Variants in EPHA3 observed in about 807,000 individuals in gnomAD.
EPHA3 encodes the protein EPH receptor A3.
EPHA3 carries 42 observed loss-of-function variants against 107.1 expected under a neutral mutation model. The ratio of observed to expected loss-of-function variants is 0.39; its 90% CI spans 0.31 to 0.51. The LOEUF is 0.51. EPHA3 is among the 20% of genes least tolerant of loss of function. The probability of loss-of-function intolerance (pLI) is 0.78; values close to 1 mark genes in which losing one functional copy is unlikely to be tolerated. For synonymous variants in EPHA3, 461 were observed against 424.8 expected (o/e 1.09, Z -1.05); for missense variants, 1,183 against 1,211.2 (o/e 0.98, Z 0.35).
chr3:89,221,593 C>T (rs1704377368), intron 3 of EPHA3, among the ~76,000 whole-genome samples: 1 of 152,126 alleles, frequency 6.6e-6, no homozygotes, highest in African/African-American at 2.4e-5. Context: ...AAAAGCCATA[C>T]ATACATTTAA....
At chr3:89,134,781 G>T (rs1487920617) in intron 2 of EPHA3, among the ~76,000 whole-genome samples, 1 of 152,080 alleles carries the variant, frequency 6.6e-6, no homozygotes, top group East Asian at 1.9e-4. Context: ...TGAGCCAAAT[G>T]GGTTGTTGGT....
chr3:89,283,293 G>C (rs1388617369), intron 3 of EPHA3, among the ~76,000 whole-genome samples: 1 of 152,074 alleles, frequency 6.6e-6, no homozygotes, highest in African/African-American at 2.4e-5. Flanking sequence ...TAAGTAGGTA[G>C]CTTCCTGAAA....
chr3:89,348,258 G>A (rs1385046387), intron 5 of EPHA3, among the ~76,000 whole-genome samples: 1 of 135,684 alleles, frequency 7.4e-6, no homozygotes, highest in Non-Finnish European at 1.6e-5. Flanking sequence ...ACTCTTTTTG[G>A]TTGGTAAACT....
At chr3:89,420,614 G>A (rs1210871896) in intron 11 of EPHA3, among the ~76,000 whole-genome samples, 2 of 151,342 alleles carry the variant, frequency 1.3e-5, no homozygotes, top group Admixed American at 1.3e-4. Flanking sequence ...ATAAAAATGG[G>A]CATAATTAGT....
At chr3:89,201,433 A>G (rs936149121) in intron 2 of EPHA3, among the ~76,000 whole-genome samples, 1 of 152,214 alleles carries the variant, frequency 6.6e-6, no homozygotes, top group African/African-American at 2.4e-5. Flanking sequence ...AAAATCTGTC[A>G]TGTGTACAAT....
intron 5 of EPHA3, among the ~76,000 whole-genome samples, chr3:89,369,657 G>A (rs1367651619): frequency 6.7e-6 from 1 of 148,404 alleles, no homozygotes; most frequent in South Asian, 2.1e-4. Flanking sequence ...TTGACAAATG[G>A]GATCTAATTA....
intron 13 of EPHA3, among the ~76,000 whole-genome samples, chr3:89,446,608 A>G (rs1378025969): frequency 2.6e-5 from 4 of 152,048 alleles, no homozygotes; most frequent in East Asian, 1.9e-4. Context: ...TTTAATTTCA[A>G]CTAGAGACCA....
At chr3:89,355,799 T>A (rs1410210263) in intron 5 of EPHA3, among the ~76,000 whole-genome samples, 17 of 149,782 alleles carry the variant, frequency 1.1e-4, no homozygotes, top group Non-Finnish European at 1.8e-4. Flanking sequence ...CTTTTTTTTT[T>A]AATTAAAAAT....
chr3:89,479,369 A>C, intron 16 of EPHA3, 28 bp from the exon 17 acceptor site: 1 of 1,586,360 alleles, frequency 6.3e-7, no homozygotes, highest in Non-Finnish European at 8.7e-7. Context: ...GAGGAAACCG[A>C]TTCTTATATT....
intron 7 of EPHA3, among the ~76,000 whole-genome samples, chr3:89,402,932 C>T (rs1708994332): frequency 1.3e-5 from 2 of 152,254 alleles, no homozygotes; most frequent in South Asian, 4.1e-4. Flanking sequence ...ACTGCCTTGG[C>T]CTTCAAAAGT....
chr3:89,262,467 C>T (rs1237703182), intron 3 of EPHA3, among the ~76,000 whole-genome samples: 1 of 152,162 alleles, frequency 6.6e-6, no homozygotes, highest in Non-Finnish European at 1.5e-5. Flanking sequence ...TCATTTTTGT[C>T]TCAGTCTTCA....
intron 2 of EPHA3, among the ~76,000 whole-genome samples, chr3:89,173,134 T>C (rs1705244519): frequency 6.6e-6 from 1 of 152,184 alleles, no homozygotes; most frequent in Non-Finnish European, 1.5e-5. Context: ...GTGTACTCCT[T>C]GATATTTTAC....
intron 5 of EPHA3, among the ~76,000 whole-genome samples, chr3:89,349,807 G>A (rs936841621): frequency 2.0e-5 from 3 of 148,988 alleles, no homozygotes; most frequent in African/African-American, 7.4e-5. Flanking sequence ...TTTAGGGCAG[G>A]CCTGGTGGTG....
intron 3 of EPHA3, among the ~76,000 whole-genome samples, chr3:89,253,319 T>C (rs566506321): frequency 1.3e-5 from 2 of 152,114 alleles, no homozygotes; most frequent in Admixed American, 6.6e-5. Context: ...TCTTGAGATT[T>C]TCTTTGAAAA....
intron 2 of EPHA3, among the ~76,000 whole-genome samples, chr3:89,188,170 C>T (rs1178713911): frequency 1.3e-5 from 2 of 152,092 alleles, no homozygotes; most frequent in African/African-American, 4.8e-5. Flanking sequence ...CTTTAATACC[C>T]ACACATAATA....
intron 3 of EPHA3, among the ~76,000 whole-genome samples, chr3:89,216,870 A>C (rs1320095670): frequency 1.3e-5 from 2 of 152,072 alleles, no homozygotes; most frequent in African/African-American, 2.4e-5. Context: ...CTAATGTTTC[A>C]TTTTCTTTAG....
intron 2 of EPHA3, among the ~76,000 whole-genome samples, chr3:89,188,271 C>T (rs996845128): frequency 2.0e-5 from 3 of 152,118 alleles, no homozygotes; most frequent in African/African-American, 7.2e-5. Flanking sequence ...ATCATAGGCA[C>T]GTGAATGACA....
intron 3 of EPHA3, among the ~76,000 whole-genome samples, chr3:89,232,153 C>G (rs762966679): frequency 3.3e-5 from 5 of 152,030 alleles, no homozygotes; most frequent in Admixed American, 6.6e-5. Flanking sequence ...AATGGGACCA[C>G]AGTTTAGTAA....
intron 2 of EPHA3, among the ~76,000 whole-genome samples, chr3:89,149,417 T>G (rs1260010551): frequency 6.6e-6 from 1 of 151,990 alleles, no homozygotes; most frequent in South Asian, 2.1e-4. Flanking sequence ...CAGACACTAG[T>G]ATGTGTTCTT....
Sources: allele counts gnomAD v4.1 joint callset (sites outside exome capture counted in the v4.1 genomes callset), GRCh38; gene constraint gnomAD v4.1.1; transcripts MANE v1.5; gene names NCBI Gene and HGNC (gene_info 2026-07-23, HGNC 2026-07-21).